MED13: variants seen among roughly 807,000 people sequenced by gnomAD.
MED13 encodes the protein mediator of RNA polymerase II transcription subunit 13.
Under a neutral mutation model 225.2 loss-of-function variants are expected in MED13, and 23 were observed. That is an observed-to-expected ratio of 0.10 (90% CI 0.07 to 0.14). The LOEUF (loss-of-function observed/expected upper bound fraction) is 0.14. Ranked by LOEUF, MED13 falls within the 10% of genes least tolerant of loss-of-function variation. The probability of loss-of-function intolerance (pLI) is 1.00; values close to 1 mark genes in which losing one functional copy is unlikely to be tolerated. For missense variants in MED13, 2,197 were observed against 2,594.5 expected, an observed-to-expected ratio of 0.85 and a Z score of 3.33; for synonymous variants, 942 against 889.2, an observed-to-expected ratio of 1.06 and a Z score of -1.06.
chr17:61,984,273 G>A lies in MED13; in HGVS notation c.2786C>T (p.Pro929Leu). ...PLKTLPSQYL[P>L]PIKLPEECIY... ...ACACTCTTCTGGCAATTTGATAGGG[G>A]GCAGATATTGGCTTGGTAGAGTTTT... The change falls in exon 15 of 30, where the codon CCC becomes CTC. Residue 929 changes from proline to leucine, a missense_variant. Pro to Leu is a moderately conservative substitution (Grantham distance 98). Coordinates refer to ENST00000397786, the MANE Select transcript of MED13 (RefSeq NM_005121.3). 1.2e-6 allele frequency: 2 copies of A among 1,611,212 alleles called. No individual in the cohort carries two copies.
intron 8 of MED13, among the ~76,000 whole-genome samples, chr17:62,019,579 A>G (rs1048451694): frequency 2.0e-5 from 3 of 152,186 alleles, no homozygotes; most frequent in Non-Finnish European, 2.9e-5. Flanking sequence ...AAATGGCCAT[A>G]CATTCACTTA....
At chr17:61,970,944 G>C (rs919879563) in intron 17 of MED13, among the ~76,000 whole-genome samples, 13 of 151,736 alleles carry the variant, frequency 8.6e-5, no homozygotes, top group African/African-American at 2.9e-4. Context: ...AGGATCACTT[G>C]GACCCAGGAG....
Position 62,011,123 on chromosome 17 carries a change from C to G in MED13, c.1394G>C (p.Ser465Thr), listed in dbSNP as rs772471360. The change falls in exon 9 of 30, where the codon AGT (serine) becomes ACT (threonine). Residue 465 changes from serine to threonine, a missense_variant. Coordinates refer to ENST00000397786, the MANE Select transcript of MED13 (RefSeq NM_005121.3). ...CAAGGGGCGTTTCTGTGGCTTTTCA[C>G]TCTTTTCTTGCTTCTCATTGGTCTT... is the stretch of plus-strand genomic sequence containing the variant. The part of the protein sequence containing the change: ...KHKTNEKQEK[S>T]EKPQKRPLTP... 1.2e-5 allele frequency: 20 copies of G among 1,614,104 alleles called. No homozygotes were observed. In the Admixed American group the frequency reaches 3.2e-4, roughly 26 times the overall value.
At chr17:62,019,196 G>A (rs2080613096) in intron 8 of MED13, among the ~76,000 whole-genome samples, 2 of 152,196 alleles carry the variant, frequency 1.3e-5, no homozygotes, top group Admixed American at 1.3e-4. Flanking sequence ...GAATGCAGAA[G>A]CAGATATAAG....
At chr17:61,986,607 T>C (rs532511072) in intron 12 of MED13, among the ~76,000 whole-genome samples, 10 of 152,352 alleles carry the variant, frequency 6.6e-5, no homozygotes, top group African/African-American at 1.7e-4. Flanking sequence ...CCTTAATAAA[T>C]TGACAAAGCA....
Position 61,982,843 on chromosome 17 carries a change from G to T in MED13, c.3160C>A (p.Leu1054Ile), listed in dbSNP as rs759645622. The T allele has an allele frequency of 6.2e-7, 1 of 1,614,214 alleles. No homozygotes were observed. Among genetic ancestry groups the T allele is most frequent in the African/African-American group, 1.3e-5 (1 of 75,050 alleles). The change falls in exon 16 of 30, where the codon CTT becomes ATT. Residue 1054 changes from leucine (L) to isoleucine (I), a missense_variant. Leu to Ile is a conservative substitution (Grantham distance 5, BLOSUM62 2). Coordinates refer to ENST00000397786, the MANE Select transcript of MED13 (RefSeq NM_005121.3). ...ACAGTTGCAGGTTCAACAGAATTAA[G>T]GGGTCTGCATGTAGATGGGGTAGAA... is the stretch of plus-strand genomic sequence containing the variant. ...PASTPSTCRPLNSVEPATVPS... is the reference protein window; with the variant it reads ...PASTPSTCRPINSVEPATVPS...
chr17:62,036,308 A>C (rs773808593), intron 3 of MED13, among the ~76,000 whole-genome samples: 9 of 152,124 alleles, frequency 5.9e-5, no homozygotes, highest in Non-Finnish European at 8.8e-5. Flanking sequence ...TGGGTCTTAC[A>C]GTTGAAGGCA....
In MED13 at chr17:62,031,539, CAAG is replaced by C. The variant is rs779461571; in HGVS notation, c.911_913del (p.Ser304del). ...AGCAGGCACTTGGTGGACACCCAAGCAAGAAGATGAACAGTGAGTGGATCCCAC... is the reference window on the plus strand; with the variant it reads ...AGCAGGCACTTGGTGGACACCCAAGCAAGATGAACAGTGAGTGGATCCCAC... On this transcript the variant is annotated inframe_deletion, in exon 6 of 30. Coordinates refer to ENST00000397786, the MANE Select transcript of MED13 (RefSeq NM_005121.3). 3 of 1,613,804 alleles carry C rather than the reference CAAG, an allele frequency of 1.9e-6. No homozygotes were observed. The highest frequency in any genetic ancestry group is 2.2e-5 in the South Asian group (2 of 91,038).
intron 2 of MED13, among the ~76,000 whole-genome samples, chr17:62,054,494 G>A (rs1327452447): frequency 1.3e-5 from 2 of 151,914 alleles, no homozygotes; most frequent in Non-Finnish European, 2.9e-5. Context: ...AAACCAAAAC[G>A]TTTATGGGTT....
At chr17:62,054,361 G>GA (rs890242660) in intron 2 of MED13, among the ~76,000 whole-genome samples, 2 of 151,960 alleles carry the variant, frequency 1.3e-5, no homozygotes, top group African/African-American at 4.8e-5. Context: ...ATAAGCTTGA[G>GA]AAAATGACAA....
chr17:62,058,943 T>C (rs1000738417), intron 2 of MED13, among the ~76,000 whole-genome samples: 3 of 152,158 alleles, frequency 2.0e-5, no homozygotes, highest in Non-Finnish European at 4.4e-5. Context: ...TCAGCTAAAC[T>C]TGAAAGGAAG....
chr17:62,062,092 G>A (rs2081043206), intron 2 of MED13, among the ~76,000 whole-genome samples: 1 of 152,002 alleles, frequency 6.6e-6, no homozygotes, highest in African/African-American at 2.4e-5. Context: ...ATAGGTCAGA[G>A]ATACAATAAC....
intron 21 of MED13, 73 bp from the exon 22 acceptor site, chr17:61,961,852 T>C: frequency 7.2e-7 from 1 of 1,384,384 alleles, no homozygotes; most frequent in Non-Finnish European, 1.0e-6. Flanking sequence ...GGTCTAAAAC[T>C]CTAAAAACTT....
intron 11 of MED13, among the ~76,000 whole-genome samples, chr17:61,990,303 T>C (rs541537195): frequency 1.9e-4 from 29 of 151,934 alleles, no homozygotes; most frequent in African/African-American, 5.3e-4. Flanking sequence ...CACACACATA[T>C]ACACACACAC....
intron 16 of MED13, among the ~76,000 whole-genome samples, chr17:61,978,309 G>T (rs2080174260): frequency 6.6e-6 from 1 of 151,978 alleles, no homozygotes; most frequent in Non-Finnish European, 1.5e-5. Flanking sequence ...GGAGTACAAT[G>T]GCAGGATCTC....
Position 62,010,953 on chromosome 17 carries a change from T to C in MED13, c.1564A>G (p.Met522Val). ...GAATTTGCCATTTCGGTGCCATGCA[T>C]CTGAGGAGTCTTTGCTACATCATTA... ...RTNDVAKTPQMHGTEMANSPQ... is the reference protein window; with the variant it reads ...RTNDVAKTPQVHGTEMANSPQ... Residue 522 changes from methionine (M) to valine (V), a missense_variant, in exon 9 of 30, where the codon ATG (methionine) becomes GTG (valine). Met to Val is a conservative substitution (Grantham distance 21). Transcript: ENST00000397786. The C allele has an allele frequency of 1.2e-6, 2 of 1,613,122 alleles. No individual in the cohort carries two copies. Among genetic ancestry groups the C allele is most frequent in the Admixed American group, 3.3e-5 (2 of 59,998 alleles).
At position 61,984,697 on chromosome 17, in the gene MED13, A is replaced by G; in HGVS notation, c.2645T>C (p.Ile882Thr). 1 of 1,613,862 alleles carries G rather than the reference A, an allele frequency of 6.2e-7. No homozygotes were observed. Among genetic ancestry groups the G allele is most frequent in the Non-Finnish European group, 8.5e-7 (1 of 1,179,882 alleles). ...GCTACAGAATCCCTCATCAACCTCA[A>G]TTTTGAACTGCGCTCCTATACTAGA... is the stretch of plus-strand genomic sequence containing the variant. ...NSSSIGAQFK[I>T]EVDEGFCSPK... is the part of the protein sequence containing the mutation. Residue 882 changes from isoleucine (I) to threonine (T), a missense_variant, in exon 14 of 30, where the codon ATT becomes ACT. Ile to Thr is a moderately conservative substitution (Grantham distance 89). Coordinates refer to ENST00000397786, the MANE Select transcript of MED13 (RefSeq NM_005121.3).
In MED13 at chr17:62,015,445, A is replaced by G. The variant is rs533443742; in HGVS notation, c.1284-4212T>C. ...TAAACACCCAGGCTGTTTATCAAAAAAACAATAAGTTGCAGAAATACAGCA... is the reference window on the plus strand; with the variant it reads ...TAAACACCCAGGCTGTTTATCAAAAGAACAATAAGTTGCAGAAATACAGCA... On this transcript the variant is annotated intron_variant, in intron 8 of 29. Transcript: ENST00000397786. Among the ~76,000 whole-genome samples the G allele has an allele frequency of 3.9e-5, 6 of 152,320 alleles. No homozygotes were observed. The East Asian group carries it at 1.2e-3, about 29-fold the overall frequency.
intron 8 of MED13, among the ~76,000 whole-genome samples, chr17:62,014,907 T>C (rs2080548234): frequency 6.6e-6 from 1 of 152,196 alleles, no homozygotes; most frequent in Non-Finnish European, 1.5e-5. Flanking sequence ...AGCTCAGCTC[T>C]ACAGCTACCT....
Sources: gnomAD v4.1 joint callset for allele counts (sites outside exome capture counted in the v4.1 genomes callset) on GRCh38, gnomAD v4.1.1 for gene constraint, MANE v1.5 for transcripts, NCBI Gene and HGNC (gene_info 2026-07-23, HGNC 2026-07-21) for gene names.